Variants in ABCB7 observed in about 807,000 individuals in gnomAD.
The protein encoded by ABCB7 is ATP binding cassette subfamily B member 7, also known as iron-sulfur clusters transporter ABCB7, mitochondrial.
A neutral mutation model predicts 54.4 loss-of-function variants in ABCB7; 7 were observed. The observed-to-expected ratio is 0.13, with a 90% CI of 0.07 to 0.24. ABCB7 has a LOEUF of 0.24. Ranked by LOEUF, ABCB7 falls within the 10% of genes least tolerant of loss-of-function variation. The pLI, the probability that ABCB7 is intolerant of heterozygous loss-of-function variation, is 1.00. For synonymous variants in ABCB7, 218 were observed against 207.1 expected, an observed-to-expected ratio of 1.05 and a Z score of -0.45; for missense variants, 356 against 570.4, an observed-to-expected ratio of 0.62 and a Z score of 3.83.
intron 3 of ABCB7, among the ~76,000 whole-genome samples, chrX:75,107,495 C>A (rs1409234598): frequency 9.0e-6 from 1 of 111,510 alleles, no homozygotes; most frequent in Non-Finnish European, 1.9e-5. Context: ...CTTTGTCTTG[C>A]ATCTTGGATA....
intron 1 of ABCB7, among the ~76,000 whole-genome samples, chrX:75,133,645 C>T (rs762760728): frequency 8.9e-6 from 1 of 111,965 alleles, no homozygotes; most frequent in South Asian, 3.7e-4. Context: ...CAGCAGAAAC[C>T]CTAAAAGCCA....
At chrX:75,088,755 G>A (rs1198253792) in intron 4 of ABCB7, among the ~76,000 whole-genome samples, 1 of 107,948 alleles carries the variant, frequency 9.3e-6, no homozygotes, top group Non-Finnish European at 1.9e-5. Context: ...AATAATGAAG[G>A]CTAAGAATTT....
Position 75,062,681 on chromosome X carries a change from T to C in ABCB7, c.1832-250A>G, listed in dbSNP as rs141339613. The C allele has an allele frequency of 4.6e-3, 1,613 of 348,246 alleles. 22 individuals carry two copies. The highest frequency in any genetic ancestry group is 0.036 in the African/African-American group (1,378 of 38,650). The allele number at this position is 348,246 out of a possible 1,213,427, so 28.7% of individuals were successfully genotyped here. On this transcript the variant is annotated intron_variant, in intron 13 of 15. Coordinates refer to ENST00000373394, the MANE Select transcript of ABCB7 (RefSeq NM_001271696.3). ...GGTGGGAAGAATGAGAATGAGGCAG[T>C]AAGGTAACAACTTTGATTCTACTAT...
chrX:75,128,981 C>T (rs1468129714), intron 1 of ABCB7, among the ~76,000 whole-genome samples: 1 of 111,799 alleles, frequency 8.9e-6, no homozygotes, highest in African/African-American at 3.3e-5. Flanking sequence ...AACTGGAATG[C>T]TTTTACACTG....
rs184712854 is a variant in ABCB7, at chrX:75,089,376, T to C, written c.453+9566A>G. 3.5e-3 allele frequency among the ~76,000 whole-genome samples: 385 copies of C among 111,176 alleles called. 1 individual carries two copies. The highest frequency in any genetic ancestry group is 0.012 in the African/African-American group (371 of 30,750). On this transcript the variant is annotated intron_variant, in intron 4 of 15. Transcript: ENST00000373394. ...ACAATGTATTGGTAATTAAAGCTTA[T>C]AAATAGGTGAAATGAATCACAGCAG...
intron 1 of ABCB7, among the ~76,000 whole-genome samples, chrX:75,118,967 G>A (rs1267075946): frequency 8.9e-6 from 1 of 111,973 alleles, no homozygotes; most frequent in Non-Finnish European, 1.9e-5. Context: ...GCTTTAAAGA[G>A]AAACTTAAAA....
intron 1 of ABCB7, among the ~76,000 whole-genome samples, chrX:75,117,587 C>T (rs1271412711): frequency 9.0e-6 from 1 of 111,146 alleles, no homozygotes; most frequent in African/African-American, 3.3e-5. Context: ...TCAGTAAAGT[C>T]CCTCTCAGCT....
At chrX:75,138,722 G>A (rs1440418062) in intron 1 of ABCB7, among the ~76,000 whole-genome samples, 1 of 111,426 alleles carries the variant, frequency 9.0e-6, no homozygotes, top group African/African-American at 3.3e-5. Flanking sequence ...AATTTTCAGG[G>A]ATATGAGGCC....
chrX:75,083,872 G>T (rs1485883747), intron 4 of ABCB7, among the ~76,000 whole-genome samples: 1 of 111,149 alleles, frequency 9.0e-6, no homozygotes, highest in East Asian at 2.8e-4. Context: ...CCAATTTCCA[G>T]AACCTATAAA....
intron 6 of ABCB7, among the ~76,000 whole-genome samples, chrX:75,074,929 C>G (rs770188761): frequency 9.0e-6 from 1 of 110,555 alleles, no homozygotes; most frequent in East Asian, 2.9e-4. Flanking sequence ...ACACCACACC[C>G]CAGTGACACA....
intron 7 of ABCB7, 28 bp from the exon 8 acceptor site, chrX:75,073,804 G>A (rs767579592): frequency 8.4e-7 from 1 of 1,184,177 alleles, no homozygotes; most frequent in Admixed American, 2.2e-5. Context: ...GCATAGGCAT[G>A]AAATACATGT....
intron 3 of ABCB7, among the ~76,000 whole-genome samples, chrX:75,109,624 G>A (rs2081740015): frequency 9.0e-6 from 1 of 111,709 alleles, no homozygotes; most frequent in African/African-American, 3.2e-5. Context: ...AGAATCAAGG[G>A]ACTGATTTTG....
At chrX:75,132,312 T>G (rs1410237995) in intron 1 of ABCB7, among the ~76,000 whole-genome samples, 1 of 111,875 alleles carries the variant, frequency 8.9e-6, no homozygotes, top group Non-Finnish European at 1.9e-5. Context: ...GCCTCTGACC[T>G]CCTCTGCCCA....
chrX:75,068,890 G>A (rs1406411289), intron 12 of ABCB7, 117 bp downstream of exon 12: 2 of 881,932 alleles, frequency 2.3e-6, no homozygotes, highest in East Asian at 3.1e-5. Context: ...CACTGGTAGG[G>A]TCTAATACTG....
intron 3 of ABCB7, among the ~76,000 whole-genome samples, chrX:75,110,117 G>C (rs979360297): frequency 9.0e-6 from 1 of 111,668 alleles, no homozygotes; most frequent in African/African-American, 3.3e-5. Context: ...GAACTTATTC[G>C]GTGGTGATTA....
chrX:75,084,015 A>G (rs921227573), intron 4 of ABCB7, among the ~76,000 whole-genome samples: 1 of 110,905 alleles, frequency 9.0e-6, no homozygotes, highest in Admixed American at 9.6e-5. Context: ...AAAGTAGGAG[A>G]GTCAAAGTTG....
At chrX:75,132,617 G>C (rs774423267) in intron 1 of ABCB7, among the ~76,000 whole-genome samples, 4 of 112,483 alleles carry the variant, frequency 3.6e-5, no homozygotes, top group African/African-American at 6.5e-5. Flanking sequence ...CACTGAGAGG[G>C]AGCATGGCTG....
Position 75,156,234 on chromosome X carries a change from G to T in ABCB7, c.39C>A (p.Ala13=). Residue 13 remains alanine (A), a synonymous_variant, in exon 1 of 16, where the codon GCC becomes GCA. Transcript: ENST00000373394. The part of the protein sequence containing the change: ...LLAMHSWRWA[A]AAAAFEKRRH... Reference sequence around the variant, plus strand: ...GGCGCTTTTCGAAAGCAGCCGCCGCGGCCGCCCAGCGCCAAGAATGCATCG... The same window carrying T: ...GGCGCTTTTCGAAAGCAGCCGCCGCTGCCGCCCAGCGCCAAGAATGCATCG... 8.3e-7 allele frequency: 1 copy of T among 1,205,610 alleles called. No homozygotes were observed. Among genetic ancestry groups the T allele is most frequent in the South Asian group, 1.8e-5 (1 of 55,905 alleles).
intron 1 of ABCB7, among the ~76,000 whole-genome samples, chrX:75,120,788 T>G (rs2081871217): frequency 9.1e-6 from 1 of 110,176 alleles, no homozygotes; most frequent in African/African-American, 3.3e-5. Context: ...TCTACACACT[T>G]CCTGTGCAGG....
Sources: allele counts gnomAD v4.1 joint callset (sites outside exome capture counted in the v4.1 genomes callset), GRCh38; gene constraint gnomAD v4.1.1; transcripts MANE v1.5; gene names NCBI Gene and HGNC (gene_info 2026-07-23, HGNC 2026-07-21).